Variants in PTPRS observed in about 807,000 individuals in gnomAD.
PTPRS encodes receptor-type tyrosine-protein phosphatase S.
In PTPRS, 63 loss-of-function variants were observed where a neutral mutation model predicts 215.3. That is an observed-to-expected ratio of 0.29 (90% CI 0.24 to 0.36). The LOEUF (loss-of-function observed/expected upper bound fraction) is 0.36, where lower values mean the gene tolerates loss of function less well. PTPRS is among the 10% of genes least tolerant of loss of function. The probability of loss-of-function intolerance (pLI) is 1.00; values close to 1 mark genes in which losing one functional copy is unlikely to be tolerated. For missense variants in PTPRS, 2,258 were observed against 2,825.8 expected, an observed-to-expected ratio of 0.80 and a Z score of 4.56; for synonymous variants, 1,404 against 1,191.4, an observed-to-expected ratio of 1.18 and a Z score of -3.68.
intron 11 of PTPRS, among the ~76,000 whole-genome samples, 194 bp downstream of exon 11, chr19:5,243,706 CG>C (rs2044241236): frequency 6.6e-6 from 1 of 152,052 alleles, no homozygotes; most frequent in South Asian, 2.1e-4. Flanking sequence ...TCCTGACCTC[CG>C]GTGACCCGCC....
intron 1 of PTPRS, among the ~76,000 whole-genome samples, chr19:5,298,295 T>G (rs1210533962): frequency 6.6e-6 from 1 of 152,132 alleles, no homozygotes; most frequent in Non-Finnish European, 1.5e-5. Flanking sequence ...TGAAGAAACT[T>G]CCAAAGCAGG....
At chr19:5,224,594 G>T (rs968504489) in intron 17 of PTPRS, among the ~76,000 whole-genome samples, 1 of 152,224 alleles carries the variant, frequency 6.6e-6, no homozygotes, top group African/African-American at 2.4e-5. Context: ...CTTCTCTACT[G>T]CAGGACTTAT....
chr19:5,296,083 C>T (rs970131263), intron 1 of PTPRS, among the ~76,000 whole-genome samples: 2 of 152,182 alleles, frequency 1.3e-5, no homozygotes, highest in Non-Finnish European at 2.9e-5. Flanking sequence ...TCTAAACAAA[C>T]ATTTCCAAGC....
chr19:5,270,205 G>A (rs1375012662), intron 4 of PTPRS, among the ~76,000 whole-genome samples: 3 of 152,180 alleles, frequency 2.0e-5, no homozygotes, highest in Non-Finnish European at 2.9e-5. Context: ...CAGGACCCAC[G>A]CAAATGAAAT....
rs1317066070 is a variant in PTPRS, at chr19:5,244,976, C to T, written c.989-494G>A. On this transcript the variant is annotated intron_variant, in intron 10 of 37. Coordinates refer to ENST00000262963, the MANE Select transcript of PTPRS (RefSeq NM_002850.4). The surrounding 1 kb of genome is among the most constrained non-coding windows in gnomAD (Gnocchi z 7.2). ...AGCCACCGCACCCGGCCTTTTTTTTCTTTTTTCTTTTTTTTTTTTTTTAGA... is the reference window on the plus strand; with the variant it reads ...AGCCACCGCACCCGGCCTTTTTTTTTTTTTTTCTTTTTTTTTTTTTTTAGA... Among the ~76,000 whole-genome samples, 2 of 128,696 alleles carry T rather than the reference C, an allele frequency of 1.6e-5. No homozygotes were observed. The highest frequency in any genetic ancestry group is 1.6e-5 in the Non-Finnish European group (1 of 61,220). The allele number at this position is 128,696 out of a possible 152,430, so 84.4% of individuals were successfully genotyped here. A position where few individuals can be genotyped will look rare whatever the true frequency, so the allele number is the denominator to read the frequency against.
At chr19:5,299,369 G>T (rs2049235294) in intron 1 of PTPRS, among the ~76,000 whole-genome samples, 1 of 152,214 alleles carries the variant, frequency 6.6e-6, no homozygotes, top group Non-Finnish European at 1.5e-5. Context: ...CCTTTGCACA[G>T]GCTATGCCTC....
At position 5,219,711 on chromosome 19, in the gene PTPRS, C is replaced by G. The variant is rs139139630; in HGVS notation, c.3765+228G>C. Among the ~76,000 whole-genome samples, 107 of 152,302 alleles carry G rather than the reference C, an allele frequency of 7.0e-4. 1 individual carries two copies. The highest frequency in any genetic ancestry group is 2.5e-3 in the African/African-American group (103 of 41,556). On this transcript the variant is annotated intron_variant, in intron 22 of 37. Transcript: ENST00000262963. ...CTTTGCACATGCAAATCCTGGGATG[C>G]TTTTTCTTTGTTGAACTCCTACTCA...
intron 30 of PTPRS, among the ~76,000 whole-genome samples, chr19:5,214,141 C>T (rs1340519554): frequency 3.3e-5 from 5 of 152,214 alleles, no homozygotes; most frequent in African/African-American, 1.2e-4. Context: ...GCTCTGCCGG[C>T]TTTGTTCTCC....
At chr19:5,324,862 A>C (rs117398658) in intron 1 of PTPRS, among the ~76,000 whole-genome samples, 1,699 of 152,296 alleles carry the variant, frequency 0.011, 13 homozygotes, top group South Asian at 0.028. Context: ...CACTGTTTGC[A>C]AAACTTCGAG....
At chr19:5,283,996 C>T (rs1188041023) in intron 2 of PTPRS, among the ~76,000 whole-genome samples, 1 of 152,010 alleles carries the variant, frequency 6.6e-6, no homozygotes, top group African/African-American at 2.4e-5. Context: ...GGGAGGATTG[C>T]TTAAGCTCAC....
At chr19:5,253,020 A>G (rs2045271031) in intron 9 of PTPRS, among the ~76,000 whole-genome samples, 1 of 152,176 alleles carries the variant, frequency 6.6e-6, no homozygotes, top group Non-Finnish European at 1.5e-5. Context: ...ATGTTGCAAG[A>G]CCAGGCAGTA....
intron 12 of PTPRS, 110 bp from the exon 13 acceptor site, chr19:5,239,173 G>A: frequency 2.8e-6 from 2 of 717,038 alleles, no homozygotes; most frequent in South Asian, 1.7e-5. Context: ...GGGAGAGAGA[G>A]AGAGAGAGAG....
intron 2 of PTPRS, among the ~76,000 whole-genome samples, chr19:5,274,810 T>C (rs1308857871): frequency 1.3e-5 from 2 of 152,176 alleles, no homozygotes; most frequent in African/African-American, 2.4e-5. Context: ...CTTGGTCTAA[T>C]TTCCTGGTGA....
intron 3 of PTPRS, 25 bp downstream of exon 3, chr19:5,274,174 G>T (rs565836628): frequency 2.5e-6 from 4 of 1,595,848 alleles, no homozygotes; most frequent in Non-Finnish European, 3.4e-6. Flanking sequence ...TTGACCCCAG[G>T]CTGCCTCCCC....
intron 36 of PTPRS, 74 bp from the exon 37 acceptor site, chr19:5,208,131 C>T (rs1387899694): frequency 1.3e-6 from 2 of 1,577,652 alleles, no homozygotes; most frequent in African/African-American, 1.3e-5. Context: ...CCCGATTCCC[C>T]GAGGACTCTA....
chr19:5,327,252 G>C (rs972011068), intron 1 of PTPRS, among the ~76,000 whole-genome samples: 1 of 152,162 alleles, frequency 6.6e-6, no homozygotes, highest in Non-Finnish European at 1.5e-5. Flanking sequence ...CAGGTCCTGC[G>C]ACCTTGCTTC....
At chr19:5,330,518 CT>C (rs2050290330) in intron 1 of PTPRS, among the ~76,000 whole-genome samples, 1 of 152,210 alleles carries the variant, frequency 6.6e-6, no homozygotes, top group Admixed American at 6.5e-5. Flanking sequence ...CTCATCACCC[CT>C]AACGGTTCAC....
intron 14 of PTPRS, among the ~76,000 whole-genome samples, chr19:5,231,065 A>G (rs1296580428): frequency 6.6e-6 from 1 of 152,232 alleles, no homozygotes; most frequent in Non-Finnish European, 1.5e-5. Context: ...GAGGGCAGCC[A>G]GCGAAACTGT....
chr19:5,307,243 G>A (rs1456745890), intron 1 of PTPRS, among the ~76,000 whole-genome samples: 2 of 152,192 alleles, frequency 1.3e-5, no homozygotes, highest in African/African-American at 4.8e-5. Context: ...AGGAGGCAGA[G>A]GCTATAGTGA....
Sources: allele counts gnomAD v4.1 joint callset (sites outside exome capture counted in the v4.1 genomes callset), GRCh38; gene constraint gnomAD v4.1.1; non-coding constraint Gnocchi (gnomAD v3.1); transcripts MANE v1.5; gene names NCBI Gene and HGNC (gene_info 2026-07-23, HGNC 2026-07-21).